Variants in CDH12 observed in about 807,000 individuals in gnomAD.
CDH12 encodes cadherin 12.
A neutral mutation model predicts 74.1 loss-of-function variants in CDH12; 41 were observed. The ratio of observed to expected loss-of-function variants is 0.55; its 90% confidence interval spans 0.43 to 0.72. The LOEUF is 0.72. CDH12 is among the 30% of genes least tolerant of loss of function. CDH12 has a pLI of 0.00. For synonymous variants in CDH12, 399 were observed against 355.0 expected, an observed-to-expected ratio of 1.12 and a Z score of -1.39; for missense variants, 945 against 977.2, an observed-to-expected ratio of 0.97 and a Z score of 0.44.
intron 3 of CDH12, among the ~76,000 whole-genome samples, chr5:22,284,481 AG>A (rs1737050077): frequency 6.6e-6 from 1 of 152,148 alleles, no homozygotes; most frequent in Non-Finnish European, 1.5e-5. Flanking sequence ...TACTGGTGCA[AG>A]GGTACCAGTT....
chr5:22,408,017 C>A (rs1370703262), intron 2 of CDH12, among the ~76,000 whole-genome samples: 4 of 152,060 alleles, frequency 2.6e-5, no homozygotes, highest in Non-Finnish European at 5.9e-5. Flanking sequence ...TTCACAGTCA[C>A]TACATTCTCA....
intron 3 of CDH12, among the ~76,000 whole-genome samples, chr5:22,277,191 C>T (rs967728697): frequency 1.3e-5 from 2 of 152,182 alleles, no homozygotes; most frequent in Admixed American, 6.5e-5. Context: ...ACAGCCATCA[C>T]GTCTTGCCAG....
chr5:22,193,484 A>G (rs1750422299), intron 4 of CDH12, among the ~76,000 whole-genome samples: 1 of 152,148 alleles, frequency 6.6e-6, no homozygotes, highest in Non-Finnish European at 1.5e-5. Context: ...GTACAGGTGA[A>G]TTCATATATT....
chr5:22,739,807 A>G (rs1396312890), intron 1 of CDH12, among the ~76,000 whole-genome samples: 1 of 152,052 alleles, frequency 6.6e-6, no homozygotes, highest in Non-Finnish European at 1.5e-5. Flanking sequence ...GAACTAGTAC[A>G]ATGGAGTCAT....
chr5:22,847,181 A>G (rs368499871), intron 1 of CDH12, among the ~76,000 whole-genome samples: 1 of 152,272 alleles, frequency 6.6e-6, no homozygotes, highest in East Asian at 1.9e-4. Context: ...ACACTCTTTT[A>G]CTTGAGAAAT....
chr5:22,832,645 C>T (rs1736669313), intron 1 of CDH12, among the ~76,000 whole-genome samples: 1 of 152,024 alleles, frequency 6.6e-6, no homozygotes, highest in African/African-American at 2.4e-5. Flanking sequence ...AATTATAACA[C>T]AGATATTCTA....
At chr5:22,556,848 C>G (rs1279965560) in intron 1 of CDH12, among the ~76,000 whole-genome samples, 1 of 152,040 alleles carries the variant, frequency 6.6e-6, no homozygotes, top group East Asian at 1.9e-4. Context: ...ATGTCTATCT[C>G]AAGACATGGG....
chr5:22,546,415 A>G (rs1738332001), intron 1 of CDH12, among the ~76,000 whole-genome samples: 1 of 152,192 alleles, frequency 6.6e-6, no homozygotes, highest in South Asian at 2.1e-4. Flanking sequence ...GCTCTGTAGC[A>G]TGTTCAGACC....
intron 1 of CDH12, among the ~76,000 whole-genome samples, chr5:22,585,490 C>T (rs1305512711): frequency 6.6e-6 from 1 of 152,126 alleles, no homozygotes; most frequent in Non-Finnish European, 1.5e-5. Context: ...CTGCCTGTGC[C>T]TTATTCTTCC....
At chr5:22,616,806 A>G (rs1236950226) in intron 1 of CDH12, among the ~76,000 whole-genome samples, 1 of 152,022 alleles carries the variant, frequency 6.6e-6, no homozygotes, top group Non-Finnish European at 1.5e-5. Flanking sequence ...GAGGTAGGAC[A>G]CTTGAGAGTT....
At chr5:22,478,992 T>G (rs916716850) in intron 2 of CDH12, among the ~76,000 whole-genome samples, 1 of 152,180 alleles carries the variant, frequency 6.6e-6, no homozygotes, top group Admixed American at 6.5e-5. Flanking sequence ...TTCTAACATG[T>G]TCATGTTTTG....
At chr5:22,476,408 A>C (rs1258409419) in intron 2 of CDH12, among the ~76,000 whole-genome samples, 2 of 152,228 alleles carry the variant, frequency 1.3e-5, no homozygotes, top group East Asian at 3.9e-4. Context: ...AGAAATGATT[A>C]ATCTATATTA....
intron 1 of CDH12, among the ~76,000 whole-genome samples, chr5:22,760,983 T>G (rs1421255667): frequency 1.3e-5 from 2 of 152,194 alleles, no homozygotes; most frequent in African/African-American, 4.8e-5. Flanking sequence ...CCATCACTCA[T>G]GCAAATATCA....
chr5:22,053,732 G>A (rs989706077), intron 5 of CDH12, among the ~76,000 whole-genome samples: 1 of 151,982 alleles, frequency 6.6e-6, no homozygotes, highest in African/African-American at 2.4e-5. Flanking sequence ...GAAAACACTC[G>A]ATGATAGGTG....
At chr5:22,575,977 G>C (rs916439422) in intron 1 of CDH12, among the ~76,000 whole-genome samples, 1 of 151,956 alleles carries the variant, frequency 6.6e-6, no homozygotes, top group Non-Finnish European at 1.5e-5. Flanking sequence ...TCCCACCTCA[G>C]CCTCCCAAAG....
intron 4 of CDH12, among the ~76,000 whole-genome samples, chr5:22,134,340 C>A (rs1431783490): frequency 2.6e-5 from 4 of 152,072 alleles, no homozygotes; most frequent in African/African-American, 2.4e-5. Context: ...GTGATATGGA[C>A]TTCACTGGCA....
intron 2 of CDH12, among the ~76,000 whole-genome samples, chr5:22,414,586 G>C (rs139834213): frequency 0.012 from 1,831 of 151,812 alleles, 36 homozygotes; most frequent in African/African-American, 0.041. Context: ...ATTTTTCCTT[G>C]TACTCATGAA....
At chr5:22,613,788 C>T (rs1737541695) in intron 1 of CDH12, among the ~76,000 whole-genome samples, 1 of 152,054 alleles carries the variant, frequency 6.6e-6, no homozygotes, top group Non-Finnish European at 1.5e-5. Flanking sequence ...AAGATGTTGG[C>T]TAAATATCTT....
chr5:22,785,709 G>A (rs1747588862), intron 1 of CDH12, among the ~76,000 whole-genome samples: 1 of 151,960 alleles, frequency 6.6e-6, no homozygotes, highest in Admixed American at 6.6e-5. Flanking sequence ...GTAGAGATGG[G>A]GTTTCGCCAT....
Sources: gnomAD v4.1 joint callset for allele counts (sites outside exome capture counted in the v4.1 genomes callset) on GRCh38, gnomAD v4.1.1 for gene constraint, MANE v1.5 for transcripts, NCBI Gene and HGNC (gene_info 2026-07-23, HGNC 2026-07-21) for gene names.